The following SEMA4F variants were observed in gnomAD, a reference collection of about 807,000 sequenced individuals.
SEMA4F encodes the protein semaphorin-4F.
Under a neutral mutation model 78.4 loss-of-function variants are expected in SEMA4F, and 51 were observed. The observed-to-expected ratio is 0.65, with a 90% CI of 0.52 to 0.82. The LOEUF (loss-of-function observed/expected upper bound fraction) is 0.82. Ranked by LOEUF, SEMA4F falls within the 40% of genes least tolerant of loss-of-function variation. The pLI, the probability that SEMA4F is intolerant of heterozygous loss-of-function variation, is 0.00. For missense variants in SEMA4F, 938 were observed against 1,014.4 expected, an observed-to-expected ratio of 0.92 and a Z score of 1.02; for synonymous variants, 418 against 408.7, an observed-to-expected ratio of 1.02 and a Z score of -0.27.
the SEMA4F span, among the ~76,000 whole-genome samples, chr2:74,690,590 A>G: frequency 6.6e-6 from 1 of 152,250 alleles, no homozygotes; most frequent in Non-Finnish European, 1.5e-5. Context: ...ATGAAAAACA[A>G]CAGTTATTTT....
At chr2:74,690,984 T>C in the SEMA4F span, among the ~76,000 whole-genome samples, 1 of 152,208 alleles carries the variant, frequency 6.6e-6, no homozygotes, top group Non-Finnish European at 1.5e-5. Flanking sequence ...CTGTAGAACT[T>C]TCACATAGCC....
intron 12 of SEMA4F, among the ~76,000 whole-genome samples, chr2:74,677,991 A>C (rs1314398209): frequency 2.0e-5 from 3 of 152,166 alleles, no homozygotes; most frequent in African/African-American, 7.2e-5. Context: ...CCGTCTCTTG[A>C]TCAGATTCTT....
chr2:74,673,423 C>T, intron 5 of SEMA4F, 34 bp from the exon 6 acceptor site: 1 of 1,612,216 alleles, frequency 6.2e-7, no homozygotes, highest in Non-Finnish European at 8.5e-7. Flanking sequence ...TCAGTGGGTC[C>T]CTGATAGCCC....
chr2:74,693,022 G>A, the SEMA4F span, among the ~76,000 whole-genome samples: 1 of 152,214 alleles, frequency 6.6e-6, no homozygotes, highest in South Asian at 2.1e-4. Context: ...CCATAGGCCA[G>A]AGATACAATC....
chr2:74,701,083 A>T, the SEMA4F span, among the ~76,000 whole-genome samples: 3 of 121,484 alleles, frequency 2.5e-5, no homozygotes, highest in Non-Finnish European at 1.5e-5. Flanking sequence ...CCAGAGGGGA[A>T]TGTGTAGCAC....
At chr2:74,695,481 C>G in the SEMA4F span, among the ~76,000 whole-genome samples, 1 of 152,198 alleles carries the variant, frequency 6.6e-6, no homozygotes, top group African/African-American at 2.4e-5. Flanking sequence ...TCCATATCCT[C>G]TACCCATGGA....
chr2:74,694,939 A>G, the SEMA4F span, among the ~76,000 whole-genome samples: 1 of 152,220 alleles, frequency 6.6e-6, no homozygotes, highest in African/African-American at 2.4e-5. Flanking sequence ...CCTAAAGGAC[A>G]TCTTGGTTGC....
At chr2:74,699,470 G>A in the SEMA4F span, among the ~76,000 whole-genome samples, 1 of 152,286 alleles carries the variant, frequency 6.6e-6, no homozygotes, top group South Asian at 2.1e-4. Flanking sequence ...AATGCCTCAG[G>A]GGGACCTCCA....
chr2:74,659,257 T>G (rs1217768887), intron 4 of SEMA4F, among the ~76,000 whole-genome samples: 1 of 152,180 alleles, frequency 6.6e-6, no homozygotes, highest in Non-Finnish European at 1.5e-5. Context: ...TCCTTTTCCA[T>G]TCTGCCAGGC....
the SEMA4F span, among the ~76,000 whole-genome samples, chr2:74,698,576 C>A: frequency 6.6e-6 from 1 of 152,190 alleles, no homozygotes; most frequent in African/African-American, 2.4e-5. Context: ...ATTCAGGGGG[C>A]CCTGCCTCAA....
rs750246575 is a variant in SEMA4F, at chr2:74,674,546, T to C, written c.871T>C (p.Leu291=). ...KTLQQRWTTF[L]KADLLCPGPE... is the part of the protein sequence containing the mutation. ...CCTCCAGCAGAGATGGACGACGTTTTTGAAAGCTGACCTGCTCTGTCCAGG... is the reference window on the plus strand; with the variant it reads ...CCTCCAGCAGAGATGGACGACGTTTCTGAAAGCTGACCTGCTCTGTCCAGG... Residue 291 remains leucine (L), a synonymous_variant, in exon 8 of 14, where the codon TTG becomes CTG. Transcript: ENST00000357877. 1.2e-6 allele frequency: 2 copies of C among 1,614,104 alleles called. No homozygotes were observed. Among genetic ancestry groups the C allele is most frequent in the Non-Finnish European group, 1.7e-6 (2 of 1,180,008 alleles).
chr2:74,665,228 CT>C (rs11348861), intron 5 of SEMA4F, among the ~76,000 whole-genome samples: 9,537 of 128,592 alleles, frequency 0.074, 690 homozygotes, highest in African/African-American at 0.25. Flanking sequence ...CACTCTTTTT[CT>C]TTTTTTTTTT....
chr2:74,701,356 C>T, the SEMA4F span, among the ~76,000 whole-genome samples: 1 of 152,198 alleles, frequency 6.6e-6, no homozygotes, highest in African/African-American at 2.4e-5. Flanking sequence ...TCTCCCTGCG[C>T]ACCTGTCAGT....
In SEMA4F at chr2:74,662,735, G is replaced by A. The variant is rs760265091; in HGVS notation, c.460G>A (p.Val154Met). The A allele has an allele frequency of 1.2e-6, 2 of 1,613,944 alleles. No homozygotes were observed. The highest frequency in any genetic ancestry group is 1.7e-5 in the Admixed American group (1 of 60,028). ...ATTGCCCCCTTCTGGTCTATAGGAT[G>A]TGTCCAGGTTCCAGCAGGTTGAAAG... ...AFDPKCGVIDVSRFQQVERLE... is the reference protein window; with the variant it reads ...AFDPKCGVIDMSRFQQVERLE... Residue 154 changes from valine to methionine, a missense_variant, in exon 5 of 14, where the codon GTG becomes ATG. Physicochemically the swap from Val to Met is conservative, Grantham distance 21 (BLOSUM62 1). Coordinates refer to ENST00000357877, the MANE Select transcript of SEMA4F (RefSeq NM_004263.5).
chr2:74,698,155 A>G, the SEMA4F span, among the ~76,000 whole-genome samples: 10 of 152,368 alleles, frequency 6.6e-5, no homozygotes, highest in East Asian at 1.7e-3. Context: ...CCTCTAAAAC[A>G]TAGGTCCTAG....
downstream of SEMA4F, among the ~76,000 whole-genome samples, chr2:74,684,224 G>A (rs1175926824): frequency 2.0e-5 from 3 of 151,970 alleles, no homozygotes; most frequent in Non-Finnish European, 4.4e-5. Context: ...CAGGATTCCA[G>A]TCAACAAAAT....
the SEMA4F span, among the ~76,000 whole-genome samples, chr2:74,691,401 A>G: frequency 3.9e-5 from 6 of 152,162 alleles, no homozygotes; most frequent in Admixed American, 3.9e-4. Context: ...TTGTTCGGAA[A>G]CACCTAGGCA....
chr2:74,689,654 G>GA, the SEMA4F span, among the ~76,000 whole-genome samples: 12 of 152,116 alleles, frequency 7.9e-5, no homozygotes, highest in African/African-American at 2.2e-4. Context: ...GTATTGACCT[G>GA]AAAAAATGTC....
the SEMA4F span, among the ~76,000 whole-genome samples, chr2:74,702,948 T>C: frequency 7.2e-5 from 11 of 152,188 alleles, no homozygotes; most frequent in African/African-American, 2.7e-4. Context: ...CCCATAGATA[T>C]TGGTGGTTCA....
Sources: gnomAD v4.1 joint callset for allele counts (sites outside exome capture counted in the v4.1 genomes callset) on GRCh38, gnomAD v4.1.1 for gene constraint, MANE v1.5 for transcripts, NCBI Gene and HGNC (gene_info 2026-07-23, HGNC 2026-07-21) for gene names.